HM13: variants seen among roughly 807,000 people sequenced by gnomAD.
HM13 encodes histocompatibility minor 13.
HM13 carries 18 observed loss-of-function variants against 50.0 expected under a neutral mutation model. That is an observed-to-expected ratio of 0.36 (90% CI 0.25 to 0.53). The LOEUF is 0.53. Ranked by LOEUF, HM13 falls within the 20% of genes least tolerant of loss-of-function variation. The probability of loss-of-function intolerance (pLI) is 0.90; values close to 1 mark genes in which losing one functional copy is unlikely to be tolerated. For synonymous variants in HM13, 197 were observed against 232.6 expected, an observed-to-expected ratio of 0.85 and a Z score of 1.39; for missense variants, 393 against 552.4, an observed-to-expected ratio of 0.71 and a Z score of 2.89.
chr20:31,533,973 A>G (rs776594405), intron 2 of HM13, among the ~76,000 whole-genome samples: 17 of 152,106 alleles, frequency 1.1e-4, no homozygotes, highest in Admixed American at 5.2e-4. Context: ...TTAAACTCCC[A>G]GGCTCAGTTA....
At chr20:31,552,889 A>T (rs563640695) in intron 7 of HM13, among the ~76,000 whole-genome samples, 1 of 152,146 alleles carries the variant, frequency 6.6e-6, no homozygotes, top group Non-Finnish European at 1.5e-5. Flanking sequence ...ACCTCTGTGT[A>T]CCTGTTGTTG....
chr20:31,568,044 C>G, intron 11 of HM13, 34 bp from the exon 12 acceptor site: 1 of 1,545,438 alleles, frequency 6.5e-7, no homozygotes. Context: ...CTATCCATCT[C>G]TTTTTTTCTG....
chr20:31,526,077 A>G (rs1319974442), intron 1 of HM13, among the ~76,000 whole-genome samples: 1 of 152,088 alleles, frequency 6.6e-6, no homozygotes, highest in Non-Finnish European at 1.5e-5. Context: ...GTGAGCCAAG[A>G]TTGCACCACT....
chr20:31,562,578 AG>A, intron 10 of HM13: 1 of 152,340 alleles, frequency 6.6e-6, no homozygotes, highest in East Asian at 1.9e-4. Flanking sequence ...AGCACCACCC[AG>A]TAACCATGGA....
rs372151592 is a variant in HM13, at chr20:31,530,698, C to A, written c.282+3116C>A. On this transcript the variant is annotated intron_variant, in intron 2 of 12. Transcript: ENST00000398174. ...TGCTGGGATTACAGGCATGAGCCAT[C>A]GTGCCCAGCCTCTTTCATTCTTTTT... Among the ~76,000 whole-genome samples, 7 of 152,104 alleles carry A rather than the reference C, an allele frequency of 4.6e-5. No individual in the cohort carries two copies. The East Asian group carries it at 1.4e-3, about 30-fold the overall frequency.
chr20:31,526,510 C>T (rs1306483265), intron 1 of HM13, among the ~76,000 whole-genome samples: 1 of 152,174 alleles, frequency 6.6e-6, no homozygotes. Flanking sequence ...ATCTGTTACT[C>T]CATTTTCAAT....
intron 3 of HM13, among the ~76,000 whole-genome samples, chr20:31,543,414 T>C (rs984889568): frequency 1.2e-4 from 18 of 152,070 alleles, no homozygotes; most frequent in African/African-American, 4.3e-4. Context: ...GGCTCCTGAG[T>C]AGCTGGGATT....
At chr20:31,516,089 C>A (rs887477017) in intron 1 of HM13, among the ~76,000 whole-genome samples, 2 of 152,240 alleles carry the variant, frequency 1.3e-5, no homozygotes, top group Admixed American at 6.5e-5. Context: ...GAGACTCAAA[C>A]ATGACTCCAT....
intron 2 of HM13, among the ~76,000 whole-genome samples, chr20:31,528,951 T>C (rs1012829597): frequency 1.1e-4 from 17 of 152,204 alleles, no homozygotes; most frequent in Non-Finnish European, 7.3e-5. Context: ...ATTATTATAA[T>C]CATAACTGTA....
intron 12 of HM13, 98 bp downstream of exon 12, chr20:31,568,322 A>G (rs1985050952): frequency 6.9e-7 from 1 of 1,459,238 alleles, no homozygotes; most frequent in Non-Finnish European, 9.1e-7. Context: ...GGCAGGGACC[A>G]TTGCCAGGAG....
intron 8 of HM13, among the ~76,000 whole-genome samples, chr20:31,558,155 CTT>C (rs1984418450): frequency 6.6e-6 from 1 of 152,146 alleles, no homozygotes; most frequent in Non-Finnish European, 1.5e-5. Flanking sequence ...CGGGATGTCT[CTT>C]TCTTTTTCTT....
At chr20:31,568,251 C>T (rs1298715848) in intron 12 of HM13, 27 bp downstream of exon 12, 2 of 1,607,644 alleles carry the variant, frequency 1.2e-6, no homozygotes, top group Non-Finnish European at 8.5e-7. Context: ...GCCCACCTGC[C>T]CGCTTCCCCC....
At chr20:31,548,722 A>T (rs759358187) in intron 4 of HM13, 16 of 421,622 alleles carry the variant, frequency 3.8e-5, no homozygotes, top group Non-Finnish European at 6.1e-5. Context: ...CCCCAAGGTC[A>T]CCCAGCTACA....
At position 31,569,230 on chromosome 20, in the gene HM13, G is replaced by C. The variant is rs1208333345; in HGVS notation, c.*11G>C. The C allele has an allele frequency of 2.6e-6, 4 of 1,543,696 alleles. No individual in the cohort carries two copies. The East Asian group carries it at 9.4e-5, about 36-fold the overall frequency. ...AAGAAAGAGAAATGATGCAGCTGGTGCCCGAGCCTCTCAGGGCCAGACCAG... is the reference window on the plus strand; with the variant it reads ...AAGAAAGAGAAATGATGCAGCTGGTCCCCGAGCCTCTCAGGGCCAGACCAG... On this transcript the variant is annotated 3_prime_UTR_variant, in exon 13 of 13. Coordinates refer to ENST00000398174, the MANE Select transcript of HM13 (RefSeq NM_178581.3).
At chr20:31,559,385 G>A (rs1315690031) in intron 8 of HM13, among the ~76,000 whole-genome samples, 1 of 152,172 alleles carries the variant, frequency 6.6e-6, no homozygotes, top group African/African-American at 2.4e-5. Flanking sequence ...GCGGTGAGGT[G>A]CTGGGTCATT....
At position 31,569,049 on chromosome 20, in the gene HM13, G is replaced by A. The variant is rs60620651; in HGVS notation, c.1182-71G>A. On this transcript the variant is annotated intron_variant, in intron 12 of 12. Transcript: ENST00000398174. ...TTTCCTAGGATGGGGGTGGGGGAAG[G>A]GGACAACCAAGGTTCTGCTCACCCT... 2,374 of 1,100,716 alleles carry A rather than the reference G, an allele frequency of 2.2e-3. 34 individuals are homozygous for A. The African/African-American group carries it at 0.032, about 15-fold the overall frequency. 68.2% of individuals were successfully genotyped at this position (1,100,716 alleles called of 1,614,324 possible). A position where few individuals can be genotyped will look rare whatever the true frequency, so the allele number is the denominator to read the frequency against.
chr20:31,526,185 CT>C (rs1555839256), intron 1 of HM13, among the ~76,000 whole-genome samples: 1 of 148,270 alleles, frequency 6.7e-6, no homozygotes, highest in Non-Finnish European at 1.5e-5. Flanking sequence ...TAGACGGAGT[CT>C]TGCTGTGTCT....
intron 12 of HM13, among the ~76,000 whole-genome samples, chr20:31,568,892 C>T (rs1179434091): frequency 6.6e-6 from 1 of 152,238 alleles, no homozygotes; most frequent in Non-Finnish European, 1.5e-5. Flanking sequence ...GCCCTTGCTG[C>T]CTCCTGGTAC....
At chr20:31,525,357 C>T (rs955760727) in intron 1 of HM13, among the ~76,000 whole-genome samples, 1 of 152,132 alleles carries the variant, frequency 6.6e-6, no homozygotes, top group Non-Finnish European at 1.5e-5. Flanking sequence ...CTCCAGACAC[C>T]CTCTCTCTTA....
Sources: gnomAD v4.1 joint callset for allele counts (sites outside exome capture counted in the v4.1 genomes callset) on GRCh38, gnomAD v4.1.1 for gene constraint, MANE v1.5 for transcripts, NCBI Gene and HGNC (gene_info 2026-07-23, HGNC 2026-07-21) for gene names.